The following C1orf21 variants were observed in gnomAD, a reference collection of about 807,000 sequenced individuals.
The protein encoded by C1orf21 is uncharacterized protein C1orf21.
A neutral mutation model predicts 18.7 loss-of-function variants in C1orf21; 3 were observed. The observed-to-expected ratio is 0.16, with a 90% CI of 0.07 to 0.42. The LOEUF (loss-of-function observed/expected upper bound fraction) is 0.42. Ranked by LOEUF, C1orf21 falls within the 10% of genes least tolerant of loss-of-function variation. The pLI is 0.99. For missense variants in C1orf21, 104 were observed against 143.6 expected (o/e 0.72, Z 1.41); for synonymous variants, 41 against 46.4 (o/e 0.88, Z 0.47).
chr1:184,572,064 T>C (rs1659120598), intron 3 of C1orf21, among the ~76,000 whole-genome samples: 1 of 152,202 alleles, frequency 6.6e-6, no homozygotes, highest in Non-Finnish European at 1.5e-5. Flanking sequence ...CTGCACTAAC[T>C]CAGTTAATGT....
chr1:184,479,612 TC>T (rs1408170106), intron 2 of C1orf21, among the ~76,000 whole-genome samples: 5 of 123,944 alleles, frequency 4.0e-5, no homozygotes, highest in African/African-American at 6.4e-5. Context: ...CTCCCATAGG[TC>T]TTTTTTTTTT....
At chr1:184,404,189 G>A (rs1055354500) in intron 1 of C1orf21, among the ~76,000 whole-genome samples, 5 of 152,150 alleles carry the variant, frequency 3.3e-5, no homozygotes, top group Non-Finnish European at 5.9e-5. Flanking sequence ...GGATTTTAAT[G>A]CAGGTTTATC....
intron 3 of C1orf21, among the ~76,000 whole-genome samples, chr1:184,582,500 C>G (rs1016698371): frequency 6.6e-6 from 1 of 152,126 alleles, no homozygotes; most frequent in South Asian, 2.1e-4. Flanking sequence ...ATTAGCAGTC[C>G]CAAGAGCCGA....
chr1:184,611,867 G>C (rs1448202481), intron 5 of C1orf21, among the ~76,000 whole-genome samples: 1 of 152,116 alleles, frequency 6.6e-6, no homozygotes, highest in African/African-American at 2.4e-5. Context: ...CAGAGAGGAT[G>C]GGAGGAGGAT....
chr1:184,514,162 G>T (rs1335283286), intron 3 of C1orf21, among the ~76,000 whole-genome samples: 1 of 152,110 alleles, frequency 6.6e-6, no homozygotes, highest in African/African-American at 2.4e-5. Context: ...AGAATTAGCT[G>T]TGCCTTGTGG....
intron 3 of C1orf21, among the ~76,000 whole-genome samples, chr1:184,554,299 A>G (rs1658849871): frequency 6.6e-6 from 1 of 152,124 alleles, no homozygotes. Context: ...CTACTTTTTG[A>G]TATAACCCAA....
chr1:184,601,964 G>T (rs1297447659), intron 5 of C1orf21, among the ~76,000 whole-genome samples: 1 of 152,038 alleles, frequency 6.6e-6, no homozygotes, highest in East Asian at 1.9e-4. Flanking sequence ...TAAGCATTAT[G>T]CTAGTTACTG....
At chr1:184,483,532 T>C (rs1332752956) in intron 2 of C1orf21, among the ~76,000 whole-genome samples, 1 of 152,194 alleles carries the variant, frequency 6.6e-6, no homozygotes, top group East Asian at 1.9e-4. Context: ...TAATGTAGGC[T>C]TTAAACTTGA....
intron 5 of C1orf21, among the ~76,000 whole-genome samples, chr1:184,618,298 TTATTAC>T (rs1395949518): frequency 6.6e-6 from 1 of 151,930 alleles, no homozygotes; most frequent in Non-Finnish European, 1.5e-5. Flanking sequence ...TTTAATCACT[TTATTAC>T]TATTAACTCA....
Position 184,488,715 on chromosome 1 carries a change from A to G in C1orf21, c.94+11112A>G, listed in dbSNP as rs558334907. On this transcript the variant is annotated intron_variant, in intron 2 of 5. Transcript: ENST00000235307. ...CACAGTGGCTCACGCCTATAATCCC[A>G]GCACTTTGGGAGGCCGAGGCGAGCA... Among the ~76,000 whole-genome samples the G allele has an allele frequency of 2.0e-5, 3 of 152,376 alleles. No homozygotes were observed. The South Asian group carries it at 6.2e-4, about 32-fold the overall frequency.
chr1:184,394,298 T>A (rs1346392309), intron 1 of C1orf21, among the ~76,000 whole-genome samples: 1 of 152,234 alleles, frequency 6.6e-6, no homozygotes. Flanking sequence ...TCATGGATAC[T>A]GCAGCAGTTT....
At chr1:184,583,832 T>G (rs1388216069) in intron 3 of C1orf21, among the ~76,000 whole-genome samples, 2 of 152,190 alleles carry the variant, frequency 1.3e-5, no homozygotes, top group Non-Finnish European at 2.9e-5. Flanking sequence ...AGCCTTTATC[T>G]TAGTCGCAGT....
At chr1:184,537,799 C>G (rs182391785) in intron 3 of C1orf21, among the ~76,000 whole-genome samples, 1 of 152,018 alleles carries the variant, frequency 6.6e-6, no homozygotes, top group Non-Finnish European at 1.5e-5. Flanking sequence ...TACAGGCATG[C>G]GCTACCATGC....
At chr1:184,410,781 C>G (rs1384784287) in intron 1 of C1orf21, among the ~76,000 whole-genome samples, 3 of 122,748 alleles carry the variant, frequency 2.4e-5, no homozygotes, top group African/African-American at 1.3e-4. Context: ...TCTCCTGCCT[C>G]AGCCTCCCTC....
At chr1:184,509,269 C>G (rs1399020676) in intron 3 of C1orf21, among the ~76,000 whole-genome samples, 1 of 152,194 alleles carries the variant, frequency 6.6e-6, no homozygotes, top group African/African-American at 2.4e-5. Flanking sequence ...CGCAGTTTTG[C>G]AATCTGTCAA....
At chr1:184,474,138 T>G (rs1216121671) in intron 1 of C1orf21, among the ~76,000 whole-genome samples, 1 of 152,210 alleles carries the variant, frequency 6.6e-6, no homozygotes, top group Non-Finnish European at 1.5e-5. Flanking sequence ...TACTAAAATA[T>G]ATTCCTGATG....
At chr1:184,402,230 A>G (rs1656168767) in intron 1 of C1orf21, among the ~76,000 whole-genome samples, 1 of 152,230 alleles carries the variant, frequency 6.6e-6, no homozygotes, top group Non-Finnish European at 1.5e-5. Flanking sequence ...GCAGTTGTAG[A>G]GACAGTCATC....
intron 1 of C1orf21, among the ~76,000 whole-genome samples, chr1:184,425,266 TC>T (rs1656615561): frequency 6.8e-6 from 1 of 146,560 alleles, no homozygotes; most frequent in African/African-American, 2.6e-5. Context: ...AATCCTGATA[TC>T]TTTTTTTTTT....
intron 5 of C1orf21, among the ~76,000 whole-genome samples, chr1:184,601,773 C>T (rs1246736617): frequency 5.3e-5 from 8 of 151,974 alleles, no homozygotes; most frequent in East Asian, 1.9e-4. Context: ...TGGTGGCACA[C>T]GCCTGTAGTC....
Sources: gnomAD v4.1 joint callset for allele counts (sites outside exome capture counted in the v4.1 genomes callset) on GRCh38, gnomAD v4.1.1 for gene constraint, MANE v1.5 for transcripts, NCBI Gene and HGNC (gene_info 2026-07-23, HGNC 2026-07-21) for gene names.